The following DNAJC1 variants were observed in gnomAD, a reference collection of about 807,000 sequenced individuals.
The protein encoded by DNAJC1 is DnaJ heat shock protein family (Hsp40) member C1, also known as dnaJ homolog subfamily C member 1.
Under a neutral mutation model 76.6 loss-of-function variants are expected in DNAJC1, and 58 were observed. The observed-to-expected ratio is 0.76, with a 90% confidence interval of 0.61 to 0.94. The LOEUF (loss-of-function observed/expected upper bound fraction) is 0.94, where lower values mean the gene tolerates loss of function less well. DNAJC1 is among the 40% of genes least tolerant of loss of function. The probability of loss-of-function intolerance (pLI) is 0.00; values close to 1 mark genes in which losing one functional copy is unlikely to be tolerated. For missense variants in DNAJC1, 689 were observed against 677.3 expected (o/e 1.02, Z -0.19); for synonymous variants, 258 against 267.9 (o/e 0.96, Z 0.36).
chr10:22,000,732 ATTAG>A (rs2131855876), intron 1 of DNAJC1, among the ~76,000 whole-genome samples: 1 of 152,340 alleles, frequency 6.6e-6, no homozygotes, highest in Admixed American at 6.5e-5. Flanking sequence ...AATGGATGAG[ATTAG>A]TGTCCTTATA....
chr10:21,910,448 A>C (rs1836836045), intron 6 of DNAJC1, among the ~76,000 whole-genome samples: 1 of 152,168 alleles, frequency 6.6e-6, no homozygotes, highest in Admixed American at 6.5e-5. Context: ...TGATAAGAGA[A>C]CATGCTAAGG....
At chr10:21,930,937 T>C (rs936081632) in intron 1 of DNAJC1, among the ~76,000 whole-genome samples, 7 of 152,186 alleles carry the variant, frequency 4.6e-5, no homozygotes, top group Non-Finnish European at 8.8e-5. Flanking sequence ...GCTATGTATT[T>C]TCTATTACAA....
intron 7 of DNAJC1, among the ~76,000 whole-genome samples, chr10:21,888,311 A>T (rs1021811313): frequency 3.9e-5 from 6 of 152,188 alleles, no homozygotes; most frequent in African/African-American, 1.4e-4. Context: ...TTCAACCATT[A>T]TGGAAGACAG....
chr10:21,922,246 G>C (rs879384891), intron 3 of DNAJC1, among the ~76,000 whole-genome samples: 5 of 151,838 alleles, frequency 3.3e-5, no homozygotes, highest in Admixed American at 6.6e-5. Context: ...TGATACCTTG[G>C]AGATATGCTA....
At chr10:21,973,414 A>G (rs1464477154) in intron 1 of DNAJC1, among the ~76,000 whole-genome samples, 1 of 152,188 alleles carries the variant, frequency 6.6e-6, no homozygotes, top group Non-Finnish European at 1.5e-5. Flanking sequence ...GATTAAAATT[A>G]TTTTCAAATG....
In DNAJC1 at chr10:21,756,567, TA is replaced by T. The variant is rs1834177254; in HGVS notation, c.*119del. On this transcript the variant is annotated 3_prime_UTR_variant, in exon 12 of 12. Transcript: ENST00000376980. ...CAACACTCATCTTTTATTTATTTAT[TA>T]TTTTTTTTTACTAAGGCACATGACG... 6 of 677,298 alleles carry T rather than the reference TA, an allele frequency of 8.9e-6. No individual in the cohort carries two copies. The highest frequency in any genetic ancestry group is 3.6e-5 in the African/African-American group (2 of 55,136). 42.0% of individuals were successfully genotyped at this position (677,298 alleles called of 1,614,324 possible).
rs1465354045 is a variant in DNAJC1 at position 21,817,776 on chromosome 10, AT to A, written c.979-11678del. On this transcript the variant is annotated intron_variant, in intron 8 of 11. Coordinates refer to ENST00000376980, the MANE Select transcript of DNAJC1 (RefSeq NM_022365.4). ...AGTTCCCCAAATTAATACTTTTATA[AT>A]TTCTTATGCCTGTCTTTACGGCAAT... Among the ~76,000 whole-genome samples, 6 of 152,324 alleles carry A rather than the reference AT, an allele frequency of 3.9e-5. No individual in the cohort carries two copies. The East Asian group carries it at 1.2e-3, about 29-fold the overall frequency.
At chr10:21,910,210 G>C (rs1354816604) in intron 6 of DNAJC1, among the ~76,000 whole-genome samples, 1 of 151,852 alleles carries the variant, frequency 6.6e-6, no homozygotes, top group Non-Finnish European at 1.5e-5. Context: ...CCACCTTCTG[G>C]GTTCAAGCGA....
At chr10:21,786,695 G>A (rs1028848820) in intron 9 of DNAJC1, among the ~76,000 whole-genome samples, 2 of 151,584 alleles carry the variant, frequency 1.3e-5, no homozygotes, top group South Asian at 2.1e-4. Context: ...GCCTGGTCTC[G>A]AACTCCTGAT....
intron 9 of DNAJC1, among the ~76,000 whole-genome samples, chr10:21,779,212 T>TTAA (rs1216782183): frequency 1.3e-5 from 2 of 152,194 alleles, no homozygotes; most frequent in African/African-American, 4.8e-5. Flanking sequence ...CTCTGCAGAC[T>TTAA]TAAATGTCCC....
intron 8 of DNAJC1, among the ~76,000 whole-genome samples, chr10:21,867,106 G>C (rs1451622255): frequency 6.6e-6 from 1 of 151,868 alleles, no homozygotes; most frequent in Non-Finnish European, 1.5e-5. Flanking sequence ...TTAGAGGAGA[G>C]ATAAAAATTG....
intron 8 of DNAJC1, among the ~76,000 whole-genome samples, chr10:21,838,094 C>A (rs1367527522): frequency 1.3e-5 from 2 of 152,064 alleles, no homozygotes; most frequent in African/African-American, 4.8e-5. Flanking sequence ...AGGAGCCCCT[C>A]TGCCCGGCCG....
chr10:21,967,460 T>G (rs1837911998), intron 1 of DNAJC1, among the ~76,000 whole-genome samples: 1 of 152,216 alleles, frequency 6.6e-6, no homozygotes, highest in Non-Finnish European at 1.5e-5. Flanking sequence ...GTTTTTCCTG[T>G]CCCAGACCTG....
intron 6 of DNAJC1, among the ~76,000 whole-genome samples, chr10:21,907,194 C>A (rs1198014701): frequency 1.3e-5 from 2 of 152,170 alleles, no homozygotes; most frequent in South Asian, 2.1e-4. Flanking sequence ...GCAATCCACC[C>A]AATCACCCTA....
At chr10:21,952,929 A>C (rs537291795) in intron 1 of DNAJC1, among the ~76,000 whole-genome samples, 19 of 152,278 alleles carry the variant, frequency 1.2e-4, no homozygotes, top group African/African-American at 1.9e-4. Context: ...TCATTCTCAG[A>C]AAACTTATTG....
chr10:21,996,442 C>T (rs4364959), intron 1 of DNAJC1, among the ~76,000 whole-genome samples: 117,815 of 152,190 alleles, frequency 0.77, 46,425 homozygotes, highest in East Asian at 0.97. Flanking sequence ...CAAATAACCT[C>T]AACCTCTGTT....
intron 1 of DNAJC1, among the ~76,000 whole-genome samples, chr10:21,952,079 T>C (rs1365005771): frequency 1.3e-5 from 2 of 152,108 alleles, no homozygotes; most frequent in African/African-American, 4.8e-5. Context: ...AAATAGAAAA[T>C]CAACTGTTGC....
rs537960282 is a variant in DNAJC1 at position 21,814,892 on chromosome 10, G to A, written c.979-8793C>T. Among the ~76,000 whole-genome samples the A allele has an allele frequency of 2.0e-5, 3 of 152,268 alleles. No homozygotes were observed. The South Asian group carries it at 6.2e-4, about 32-fold the overall frequency. ...CTATGCAGTCAGCCCTGCCACTCTG[G>A]AAAACTCCTCTAGCCCTTATGTTGA... is the stretch of plus-strand genomic sequence containing the variant. On this transcript the variant is annotated intron_variant, in intron 8 of 11. Transcript: ENST00000376980.
intron 7 of DNAJC1, among the ~76,000 whole-genome samples, chr10:21,901,884 C>T (rs890319476): frequency 6.6e-6 from 1 of 152,088 alleles, no homozygotes; most frequent in Admixed American, 6.5e-5. Context: ...AAATGAAATG[C>T]ACATTGGGGG....
Sources: allele counts gnomAD v4.1 joint callset (sites outside exome capture counted in the v4.1 genomes callset), GRCh38; gene constraint gnomAD v4.1.1; transcripts MANE v1.5; gene names NCBI Gene and HGNC (gene_info 2026-07-23, HGNC 2026-07-21).